Variants in SAMD5 observed in about 807,000 individuals in gnomAD.
The protein encoded by SAMD5 is sterile alpha motif domain-containing protein 5.
SAMD5 carries 13 observed loss-of-function variants against 11.3 expected under a neutral mutation model. The observed-to-expected ratio is 1.15, with a 90% CI of 0.75 to 1.83. SAMD5 has a LOEUF of 1.83. SAMD5 is among the 40% of genes most tolerant of loss of function. The probability of loss-of-function intolerance (pLI) is 0.00; values close to 1 mark genes in which losing one functional copy is unlikely to be tolerated. For synonymous variants in SAMD5, 129 were observed against 111.3 expected (o/e 1.16, Z -1.00); for missense variants, 255 against 239.1 (o/e 1.07, Z -0.44).
At chr6:147,592,090 C>T (rs551458157) in intron 1 of SAMD5, among the ~76,000 whole-genome samples, 6 of 152,226 alleles carry the variant, frequency 3.9e-5, no homozygotes, top group Admixed American at 1.3e-4. Flanking sequence ...TGGGCTCAAG[C>T]GATCCTCCAG....
At chr6:147,838,437 T>C in the SAMD5 span, among the ~76,000 whole-genome samples, 3 of 152,100 alleles carry the variant, frequency 2.0e-5, no homozygotes, top group Non-Finnish European at 4.4e-5. Flanking sequence ...GTAATAATAC[T>C]GTTTAATGGT....
chr6:147,799,029 C>A, the SAMD5 span, among the ~76,000 whole-genome samples: 1 of 152,092 alleles, frequency 6.6e-6, no homozygotes, highest in Non-Finnish European at 1.5e-5. Flanking sequence ...TCCAGTTTGC[C>A]AGTCTGTGTC....
the SAMD5 span, among the ~76,000 whole-genome samples, chr6:147,774,714 G>A: frequency 6.6e-6 from 1 of 151,828 alleles, no homozygotes; most frequent in African/African-American, 2.4e-5. Flanking sequence ...TTGTTATATT[G>A]TTATTTTTTA....
intron 1 of SAMD5, among the ~76,000 whole-genome samples, chr6:147,601,185 C>T (rs931644735): frequency 3.3e-5 from 5 of 152,158 alleles, no homozygotes; most frequent in Admixed American, 3.3e-4. Flanking sequence ...TTTTATTCTC[C>T]ATCAGTGTGG....
intron 1 of SAMD5, among the ~76,000 whole-genome samples, chr6:147,727,778 G>A (rs1418704139): frequency 6.6e-6 from 1 of 151,916 alleles, no homozygotes; most frequent in East Asian, 1.9e-4. Flanking sequence ...CATGTATGTT[G>A]GGTGCCTAAA....
chr6:147,784,613 G>A, the SAMD5 span, among the ~76,000 whole-genome samples: 12 of 152,212 alleles, frequency 7.9e-5, no homozygotes, highest in Admixed American at 3.3e-4. Flanking sequence ...GCATTTTAGA[G>A]ATAATGTTCC....
the SAMD5 span, among the ~76,000 whole-genome samples, chr6:147,934,971 AG>A: frequency 6.6e-6 from 1 of 152,142 alleles, no homozygotes; most frequent in African/African-American, 2.4e-5. Context: ...GAGCTCATTC[AG>A]GTTTCAGACA....
intron 1 of SAMD5, among the ~76,000 whole-genome samples, chr6:147,720,696 A>G (rs1562359667): frequency 6.6e-6 from 1 of 151,492 alleles, no homozygotes; most frequent in African/African-American, 2.4e-5. Context: ...TTTAAAGTCT[A>G]TATTTTATTT....
At chr6:147,922,068 A>G in the SAMD5 span, among the ~76,000 whole-genome samples, 47 of 152,254 alleles carry the variant, frequency 3.1e-4, no homozygotes, top group African/African-American at 1.1e-3. Context: ...TTTGCTTTAG[A>G]TACAGAATCA....
At chr6:147,853,894 T>C in the SAMD5 span, among the ~76,000 whole-genome samples, 1 of 152,202 alleles carries the variant, frequency 6.6e-6, no homozygotes, top group Admixed American at 6.5e-5. Context: ...TCAAAACAAT[T>C]CTAAATGTTT....
chr6:147,651,882 G>C (rs1790490316), intron 1 of SAMD5, among the ~76,000 whole-genome samples: 1 of 152,190 alleles, frequency 6.6e-6, no homozygotes, highest in Non-Finnish European at 1.5e-5. Context: ...CTGAAGACCA[G>C]AGTGATTCAG....
the SAMD5 span, among the ~76,000 whole-genome samples, chr6:147,928,639 G>A: frequency 3.9e-5 from 6 of 151,954 alleles, no homozygotes; most frequent in Non-Finnish European, 7.4e-5. Flanking sequence ...TATGTTGAAT[G>A]GTTTTTCGTA....
At chr6:147,617,018 A>C (rs1214922895) in intron 1 of SAMD5, among the ~76,000 whole-genome samples, 1 of 152,204 alleles carries the variant, frequency 6.6e-6, no homozygotes, top group Non-Finnish European at 1.5e-5. Flanking sequence ...TGGATAGAGC[A>C]AGTTGAAATT....
chr6:147,838,745 G>A, the SAMD5 span, among the ~76,000 whole-genome samples: 1 of 152,140 alleles, frequency 6.6e-6, no homozygotes, highest in Non-Finnish European at 1.5e-5. Flanking sequence ...AGTCAGTGTT[G>A]AAGAAGAAAC....
chr6:147,604,047 A>G (rs1043787946), intron 1 of SAMD5, among the ~76,000 whole-genome samples: 1 of 152,192 alleles, frequency 6.6e-6, no homozygotes, highest in African/African-American at 2.4e-5. Flanking sequence ...TTTAAATTTA[A>G]TAACCCTGGT....
the SAMD5 span, among the ~76,000 whole-genome samples, chr6:147,898,367 A>G: frequency 6.6e-6 from 1 of 152,236 alleles, no homozygotes; most frequent in Non-Finnish European, 1.5e-5. Context: ...CCAGTAAGCC[A>G]GTGGGTTCAA....
At chr6:147,858,607 A>G in the SAMD5 span, among the ~76,000 whole-genome samples, 1 of 152,314 alleles carries the variant, frequency 6.6e-6, no homozygotes, top group African/African-American at 2.4e-5. Flanking sequence ...TGTACAGTTG[A>G]TGATAGATGC....
At chr6:147,694,782 A>G (rs901517993) in intron 1 of SAMD5, among the ~76,000 whole-genome samples, 1 of 152,224 alleles carries the variant, frequency 6.6e-6, no homozygotes, top group Non-Finnish European at 1.5e-5. Flanking sequence ...GCACCACTGC[A>G]TTCCAGCCTG....
intron 1 of SAMD5, among the ~76,000 whole-genome samples, chr6:147,582,653 G>A (rs1337039657): frequency 6.6e-6 from 1 of 152,170 alleles, no homozygotes; most frequent in Non-Finnish European, 1.5e-5. Flanking sequence ...CGGAGCTTTA[G>A]GTATTTCCCC....
Sources: gnomAD v4.1 joint callset for allele counts (sites outside exome capture counted in the v4.1 genomes callset) on GRCh38, gnomAD v4.1.1 for gene constraint, MANE v1.5 for transcripts, NCBI Gene and HGNC (gene_info 2026-07-23, HGNC 2026-07-21) for gene names.